The following TMEM245 variants were observed in gnomAD, a reference collection of about 807,000 sequenced individuals.
TMEM245 encodes the protein protein CG-2.
Under a neutral mutation model 101.2 loss-of-function variants are expected in TMEM245, and 69 were observed. The ratio of observed to expected loss-of-function variants is 0.68; its 90% CI spans 0.56 to 0.83. The LOEUF is 0.83. Ranked by LOEUF, TMEM245 falls within the 40% of genes least tolerant of loss-of-function variation. The probability of loss-of-function intolerance (pLI) is 0.00; values close to 1 mark genes in which losing one functional copy is unlikely to be tolerated. For missense variants in TMEM245, 1,075 were observed against 1,092.8 expected, an observed-to-expected ratio of 0.98 and a Z score of 0.23; for synonymous variants, 537 against 449.8, an observed-to-expected ratio of 1.19 and a Z score of -2.45.
intron 7 of TMEM245, among the ~76,000 whole-genome samples, chr9:109,084,162 C>T (rs1829766804): frequency 6.6e-6 from 1 of 151,842 alleles, no homozygotes; most frequent in South Asian, 2.1e-4. Flanking sequence ...CATGTGTGCT[C>T]TCTCACCCTC....
At chr9:109,028,385 C>G (rs915707765) in intron 17 of TMEM245, among the ~76,000 whole-genome samples, 7 of 149,924 alleles carry the variant, frequency 4.7e-5, no homozygotes, top group African/African-American at 1.7e-4. Flanking sequence ...ATCCGGGTGG[C>G]AGAGGTTGCA....
chr9:109,072,674 C>T (rs1275009095), intron 9 of TMEM245, among the ~76,000 whole-genome samples: 1 of 152,122 alleles, frequency 6.6e-6, no homozygotes, highest in Non-Finnish European at 1.5e-5. Flanking sequence ...CATAGTTCAC[C>T]TATCCTTCCT....
chr9:109,106,731 T>C (rs911000740), intron 2 of TMEM245, 122 bp from the exon 3 acceptor site: 10 of 606,682 alleles, frequency 1.6e-5, no homozygotes, highest in Admixed American at 1.0e-4. Flanking sequence ...GAATTACTTA[T>C]CAGGCAAAAA....
chr9:109,111,126 C>G (rs1455556221), intron 1 of TMEM245, among the ~76,000 whole-genome samples: 1 of 152,172 alleles, frequency 6.6e-6, no homozygotes, highest in Admixed American at 6.5e-5. Flanking sequence ...GATTTTGTAG[C>G]TATCTTCAAA....
intron 9 of TMEM245, among the ~76,000 whole-genome samples, chr9:109,069,169 T>G (rs1287142475): frequency 6.6e-6 from 1 of 152,170 alleles, no homozygotes; most frequent in Non-Finnish European, 1.5e-5. Flanking sequence ...AAACCTTTCT[T>G]CTACTACCTG....
chr9:109,072,823 TG>T (rs1390414797), intron 9 of TMEM245, among the ~76,000 whole-genome samples: 2 of 152,192 alleles, frequency 1.3e-5, no homozygotes, highest in Non-Finnish European at 2.9e-5. Context: ...CTGGACAACA[TG>T]GTGAGACCTC....
intron 5 of TMEM245, among the ~76,000 whole-genome samples, chr9:109,088,760 G>A (rs184848286): frequency 3.5e-5 from 5 of 144,520 alleles, no homozygotes; most frequent in African/African-American, 1.3e-4. Flanking sequence ...AGCTTGCAAT[G>A]AGCCGAGATC....
At chr9:109,108,971 A>G (rs1237535741) in intron 1 of TMEM245, among the ~76,000 whole-genome samples, 1 of 152,186 alleles carries the variant, frequency 6.6e-6, no homozygotes, top group Non-Finnish European at 1.5e-5. Flanking sequence ...AAAACAAGAA[A>G]AGGAAAGCTT....
At chr9:109,090,773 T>C (rs974294876) in intron 5 of TMEM245, 149 bp downstream of exon 5, 1 of 665,374 alleles carries the variant, frequency 1.5e-6, no homozygotes, top group African/African-American at 1.9e-5. Context: ...ATTAACCAAA[T>C]GGTGTTTGTT....
At chr9:109,109,708 G>C (rs1830519026) in intron 1 of TMEM245, among the ~76,000 whole-genome samples, 1 of 152,060 alleles carries the variant, frequency 6.6e-6, no homozygotes, top group African/African-American at 2.4e-5. Context: ...GTATGATTCA[G>C]AACAGTGAAA....
chr9:109,116,730 G>A (rs984296489), intron 1 of TMEM245, among the ~76,000 whole-genome samples: 3 of 152,016 alleles, frequency 2.0e-5, no homozygotes, highest in South Asian at 2.1e-4. Flanking sequence ...GTTTTACCAT[G>A]TTGGCCAGGC....
chr9:109,036,773 A>T (rs1454044976), intron 15 of TMEM245, among the ~76,000 whole-genome samples: 1 of 152,212 alleles, frequency 6.6e-6, no homozygotes. Flanking sequence ...TCAGCATAAT[A>T]AAAATAAACA....
Position 109,119,365 on chromosome 9 carries a change from G to A in TMEM245, c.549C>T (p.Cys183=). The A allele has an allele frequency of 2.0e-6, 3 of 1,531,356 alleles. No homozygotes were observed. Among genetic ancestry groups the A allele is most frequent in the Non-Finnish European group, 2.6e-6 (3 of 1,143,026 alleles). The allele number at this position is 1,531,356 out of a possible 1,614,324, so 94.9% of individuals were successfully genotyped here. The change falls in exon 1 of 18, where the codon TGC becomes TGT. Residue 183 remains cysteine (C), a synonymous_variant. Transcript: ENST00000374586. The part of the protein sequence containing the change: ...VLLVHAATLI[C]RGLDYFSSLW... ...GGCTGCTGAAGTAGTCCAGCCCGCG[G>A]CAGATGAGCGTGGCAGCGTGCACCA...
At chr9:109,103,628 G>C (rs942703014) in intron 3 of TMEM245, among the ~76,000 whole-genome samples, 1 of 152,090 alleles carries the variant, frequency 6.6e-6, no homozygotes, top group East Asian at 1.9e-4. Flanking sequence ...AGACAAACTA[G>C]GCACAGAAAG....
In TMEM245 at chr9:109,033,288, T is replaced by A; in HGVS notation, c.2594+19A>T. ...TTCAATGTATAAATACAGCTTATGA[T>A]TATTCTGCTTTAACTCACCGCTGAG... On this transcript the variant is annotated intron_variant, in intron 17 of 17. Coordinates refer to ENST00000374586, the MANE Select transcript of TMEM245 (RefSeq NM_032012.4). 19 of 1,577,802 alleles carry A rather than the reference T, an allele frequency of 1.2e-5. 1 individual carries two copies. Among genetic ancestry groups the A allele is most frequent in the Non-Finnish European group, 1.6e-5 (19 of 1,163,288 alleles).
intron 14 of TMEM245, among the ~76,000 whole-genome samples, chr9:109,049,006 T>G (rs957045618): frequency 2.6e-5 from 4 of 152,154 alleles, no homozygotes; most frequent in Non-Finnish European, 4.4e-5. Flanking sequence ...CTACTCTCCT[T>G]CTGGAGCAAA....
chr9:109,054,690 G>A (rs1828781998), intron 12 of TMEM245, among the ~76,000 whole-genome samples: 1 of 152,142 alleles, frequency 6.6e-6, no homozygotes, highest in African/African-American at 2.4e-5. Flanking sequence ...GTTCTCTAGA[G>A]GATGAAATAC....
intron 17 of TMEM245, among the ~76,000 whole-genome samples, chr9:109,025,809 G>C (rs1827775077): frequency 6.6e-6 from 1 of 152,198 alleles, no homozygotes; most frequent in Non-Finnish European, 1.5e-5. Context: ...GAAGTGAAAG[G>C]TTCTGATTAT....
At chr9:109,069,960 C>A (rs767377482) in intron 9 of TMEM245, among the ~76,000 whole-genome samples, 3 of 152,232 alleles carry the variant, frequency 2.0e-5, no homozygotes, top group Admixed American at 2.0e-4. Flanking sequence ...ATTTCTGCAG[C>A]AATTTGACAT....
Sources: gnomAD v4.1 joint callset for allele counts (sites outside exome capture counted in the v4.1 genomes callset) on GRCh38, gnomAD v4.1.1 for gene constraint, MANE v1.5 for transcripts, NCBI Gene and HGNC (gene_info 2026-07-23, HGNC 2026-07-21) for gene names.